Variants in XPNPEP3 observed in about 807,000 individuals in gnomAD.
The protein encoded by XPNPEP3 is xaa-Pro aminopeptidase 3.
XPNPEP3 carries 41 observed loss-of-function variants against 60.0 expected under a neutral mutation model. That is an observed-to-expected ratio of 0.68 (90% CI 0.53 to 0.89). The LOEUF is 0.89. Ranked by LOEUF, XPNPEP3 falls within the 40% of genes least tolerant of loss-of-function variation. The pLI is 0.00. For synonymous variants in XPNPEP3, 212 were observed against 223.2 expected (o/e 0.95, Z 0.45); for missense variants, 598 against 638.9 (o/e 0.94, Z 0.69).
At chr22:40,898,304 A>G (rs1242600642) in intron 4 of XPNPEP3, among the ~76,000 whole-genome samples, 1 of 100,640 alleles carries the variant, frequency 9.9e-6, no homozygotes, top group Non-Finnish European at 1.7e-5. Flanking sequence ...CGGACTGCGG[A>G]CTGCAGTGGC....
chr22:40,919,864 G>A (rs1389542273), intron 7 of XPNPEP3, among the ~76,000 whole-genome samples: 2 of 152,254 alleles, frequency 1.3e-5, no homozygotes, highest in African/African-American at 4.8e-5. Context: ...CTGATCGAAT[G>A]TTTTTTGTTA....
At position 40,931,178 on chromosome 22, in the gene XPNPEP3, T is replaced by C. The variant is rs1249502050; in HGVS notation, c.*4743T>C. Reference sequence around the variant, plus strand: ...TTAGTTCTAAGTATAATAAATAATATATATACCAGGCATTCCTATTAAAAA... The same window carrying C: ...TTAGTTCTAAGTATAATAAATAATACATATACCAGGCATTCCTATTAAAAA... On this transcript the variant is annotated 3_prime_UTR_variant, in exon 10 of 10. Coordinates refer to ENST00000357137, the MANE Select transcript of XPNPEP3 (RefSeq NM_022098.4). 6.6e-6 allele frequency: 1 copy of C among 152,072 alleles called. No individual in the cohort carries two copies. Among genetic ancestry groups the C allele is most frequent in the African/African-American group, 2.4e-5 (1 of 41,408 alleles). The allele number at this position is 152,072 out of a possible 1,614,324, so 9.4% of individuals were successfully genotyped here.
chr22:40,909,313 C>A, intron 6 of XPNPEP3, 78 bp downstream of exon 6: 1 of 1,111,970 alleles, frequency 9.0e-7, no homozygotes, highest in African/African-American at 1.5e-5. Flanking sequence ...CATGTCCTCT[C>A]ACCTTCAGCT....
intron 1 of XPNPEP3, among the ~76,000 whole-genome samples, chr22:40,868,585 T>C (rs1053068379): frequency 6.6e-5 from 10 of 152,166 alleles, no homozygotes; most frequent in Non-Finnish European, 1.2e-4. Flanking sequence ...CCAGGTGCAG[T>C]GGCTCATGCC....
At chr22:40,924,326 T>C (rs1486105951) in intron 8 of XPNPEP3, 36 bp from the exon 9 acceptor site, 1 of 1,613,754 alleles carries the variant, frequency 6.2e-7, no homozygotes, top group Admixed American at 1.7e-5. Flanking sequence ...TAAGAGGTCA[T>C]TGCTCTAATG....
In XPNPEP3 at chr22:40,857,261, C is replaced by T. The variant is rs981899037; in HGVS notation, c.64+16C>T. On this transcript the variant is annotated intron_variant, in intron 1 of 9. Transcript: ENST00000357137. Reference sequence around the variant, plus strand: ...GGCCTCTCAGGTTAGACTCTTCTCCCACGGTCTCCTCCCATGGTGTCCCCT... The same window carrying T: ...GGCCTCTCAGGTTAGACTCTTCTCCTACGGTCTCCTCCCATGGTGTCCCCT... 2 of 1,613,838 alleles carry T rather than the reference C, an allele frequency of 1.2e-6. No homozygotes were observed. The highest frequency in any genetic ancestry group is 1.7e-6 in the Non-Finnish European group (2 of 1,179,940).
chr22:40,875,943 C>T (rs1416041340), intron 2 of XPNPEP3, among the ~76,000 whole-genome samples: 1 of 152,076 alleles, frequency 6.6e-6, no homozygotes, highest in African/African-American at 2.4e-5. Flanking sequence ...TCACTTGAAC[C>T]CAGGAGTCAG....
intron 5 of XPNPEP3, among the ~76,000 whole-genome samples, chr22:40,908,284 C>T (rs1300762145): frequency 1.3e-5 from 2 of 151,308 alleles, no homozygotes; most frequent in African/African-American, 4.9e-5. Flanking sequence ...CTTTGGAAGG[C>T]TGAGATGGGA....
intron 2 of XPNPEP3, among the ~76,000 whole-genome samples, chr22:40,878,750 C>T (rs1467247248): frequency 6.6e-6 from 1 of 151,990 alleles, no homozygotes; most frequent in Non-Finnish European, 1.5e-5. Context: ...CCATACCTGG[C>T]TAATTTTTTG....
intron 4 of XPNPEP3, among the ~76,000 whole-genome samples, chr22:40,893,703 A>G (rs1444320962): frequency 6.6e-6 from 1 of 151,062 alleles, no homozygotes; most frequent in East Asian, 2.0e-4. Context: ...CACAACCTCC[A>G]CCTCCCAGGT....
intron 7 of XPNPEP3, chr22:40,917,336 T>C (rs1043368569): frequency 6.6e-6 from 1 of 151,910 alleles, no homozygotes; most frequent in African/African-American, 2.4e-5. Flanking sequence ...AGCTTGTGAA[T>C]AGCCAGTACA....
intron 4 of XPNPEP3, among the ~76,000 whole-genome samples, chr22:40,888,141 C>G (rs948147591): frequency 3.3e-5 from 5 of 152,190 alleles, no homozygotes; most frequent in African/African-American, 1.2e-4. Context: ...CTCTGTGAAT[C>G]TACCTATTCT....
At chr22:40,910,209 C>A (rs1440919376) in intron 6 of XPNPEP3, among the ~76,000 whole-genome samples, 3 of 152,080 alleles carry the variant, frequency 2.0e-5, no homozygotes, top group Admixed American at 6.6e-5. Flanking sequence ...ATACAACACA[C>A]CTACCCTTAT....
intron 4 of XPNPEP3, among the ~76,000 whole-genome samples, chr22:40,896,788 CAATAAAT>C (rs1302333899): frequency 1.3e-5 from 2 of 152,112 alleles, no homozygotes; most frequent in African/African-American, 2.4e-5. Flanking sequence ...AAATTGTACT[CAATAAAT>C]AATAACTTCC....
At chr22:40,922,721 TAC>T (rs761542482) in intron 8 of XPNPEP3, among the ~76,000 whole-genome samples, 5,640 of 145,184 alleles carry the variant, frequency 0.039, 329 homozygotes, top group African/African-American at 0.14. Context: ...TGTAGATATA[TAC>T]ACACACACAC....
intron 6 of XPNPEP3, among the ~76,000 whole-genome samples, chr22:40,911,174 A>G (rs2058175768): frequency 6.6e-6 from 1 of 152,018 alleles, no homozygotes; most frequent in African/African-American, 2.4e-5. Flanking sequence ...ACAACATAGC[A>G]TCTCTTTGTG....
intron 4 of XPNPEP3, among the ~76,000 whole-genome samples, chr22:40,906,805 T>C (rs1033064607): frequency 6.6e-6 from 1 of 152,244 alleles, no homozygotes; most frequent in Non-Finnish European, 1.5e-5. Flanking sequence ...GCAATAGAAA[T>C]GTATTTCCTC....
At chr22:40,906,841 A>G (rs955764309) in intron 4 of XPNPEP3, among the ~76,000 whole-genome samples, 1 of 152,216 alleles carries the variant, frequency 6.6e-6, no homozygotes, top group African/African-American at 2.4e-5. Context: ...GGGAAGTCCA[A>G]GGTCAAGGTG....
Position 40,928,797 on chromosome 22 carries a change from A to G in XPNPEP3, c.*2362A>G, listed in dbSNP as rs1055814141. On this transcript the variant is annotated 3_prime_UTR_variant, in exon 10 of 10. Transcript: ENST00000357137. ...TCTCTGTAATGCTGGAAGTTTGCCT[A>G]TCTTATCAGGGAAACCCAGGGTACA... 2 of 152,224 alleles carry G rather than the reference A, an allele frequency of 1.3e-5. No individual in the cohort carries two copies. The highest frequency in any genetic ancestry group is 1.5e-5 in the Non-Finnish European group (1 of 68,042). The allele number at this position is 152,224 out of a possible 1,614,324, so 9.4% of individuals were successfully genotyped here.
Sources: allele counts gnomAD v4.1 joint callset (sites outside exome capture counted in the v4.1 genomes callset), GRCh38; gene constraint gnomAD v4.1.1; transcripts MANE v1.5; gene names NCBI Gene and HGNC (gene_info 2026-07-23, HGNC 2026-07-21).